Variants in PLCE1 observed in about 807,000 individuals in gnomAD.
PLCE1 encodes phospholipase C epsilon 1.
Under a neutral mutation model 242.8 loss-of-function variants are expected in PLCE1, and 119 were observed. The observed-to-expected ratio is 0.49, with a 90% CI of 0.42 to 0.57. The LOEUF (loss-of-function observed/expected upper bound fraction) is 0.57, where lower values mean the gene tolerates loss of function less well. PLCE1 is among the 20% of genes least tolerant of loss of function. PLCE1 has a pLI of 0.00. For missense variants in PLCE1, 2,441 were observed against 2,788.8 expected, an observed-to-expected ratio of 0.88 and a Z score of 2.81; for synonymous variants, 945 against 1,017.4, an observed-to-expected ratio of 0.93 and a Z score of 1.35.
rs1589542917 is a variant in PLCE1 at position 94,321,967 on chromosome 10, T to C, written c.6409T>C (p.Phe2137Leu). The C allele has an allele frequency of 1.9e-6, 3 of 1,613,890 alleles. No individual in the cohort carries two copies. The highest frequency in any genetic ancestry group is 2.5e-6 in the Non-Finnish European group (3 of 1,179,834). ...EVILSSEEES[F>L]FVQVHDVSPE... ...GATCTTGAGCTCAGAGGAGGAGAGT[T>C]TCTTTGTCCAAGTGCATGATGTTTC... The change falls in exon 30 of 33, where the codon TTC becomes CTC. Residue 2137 changes from phenylalanine to leucine, a missense_variant. Physicochemically the swap from Phe to Leu is conservative, Grantham distance 22 (BLOSUM62 0). Transcript: ENST00000371380.
In PLCE1 at chr10:94,270,537, A is replaced by G. The variant is rs529475564; in HGVS notation, c.4441A>G (p.Ile1481Val). ...RSAFINSDLPIIISIENHCSL... is the reference protein window; with the variant it reads ...RSAFINSDLPVIISIENHCSL... ...TGCCTTCATCAACTCTGACCTGCCAATCATCATATCGATTGAGAACCACTG... is the reference window on the plus strand; with the variant it reads ...TGCCTTCATCAACTCTGACCTGCCAGTCATCATATCGATTGAGAACCACTG... The change falls in exon 18 of 33, where the codon ATC (isoleucine) becomes GTC (valine). Residue 1481 changes from isoleucine (I) to valine (V), a missense_variant. Ile to Val is a conservative substitution (Grantham distance 29). Transcript: ENST00000371380. The G allele has an allele frequency of 9.9e-6, 16 of 1,614,110 alleles. No individual in the cohort carries two copies. Among genetic ancestry groups the G allele is most frequent in the Admixed American group, 3.3e-5 (2 of 60,028 alleles).
chr10:94,226,801 A>C (rs2137165451), intron 4 of PLCE1, among the ~76,000 whole-genome samples: 1 of 145,450 alleles, frequency 6.9e-6, no homozygotes, highest in Non-Finnish European at 1.5e-5. Flanking sequence ...AAATAAAGAG[A>C]GAGTTATAAG....
rs77884183 is a variant in PLCE1 at position 94,235,499 on chromosome 10, C to T, written c.2215-416C>T. On this transcript the variant is annotated intron_variant, in intron 6 of 32. Transcript: ENST00000371380. The stretch of plus-strand genomic sequence containing the variant: ...ACACATGAGCAATAAAGCAAAACAT[C>T]ACCTCTTCTCAGTGTTTTGCTTGGG... Among the ~76,000 whole-genome samples, 6 of 151,978 alleles carry T rather than the reference C, an allele frequency of 3.9e-5. No individual in the cohort carries two copies. The East Asian group carries it at 7.7e-4, about 20-fold the overall frequency.
intron 4 of PLCE1, among the ~76,000 whole-genome samples, chr10:94,194,976 T>A (rs2048774680): frequency 6.6e-6 from 1 of 152,184 alleles, no homozygotes; most frequent in Non-Finnish European, 1.5e-5. Flanking sequence ...AACTCCTTGA[T>A]GATTACAAAG....
chr10:94,309,733 TTTAA>T (rs1199504253), intron 27 of PLCE1, among the ~76,000 whole-genome samples: 3 of 152,088 alleles, frequency 2.0e-5, no homozygotes, highest in African/African-American at 7.2e-5. Context: ...TGCAGGATGG[TTTAA>T]TTAGGTAAGA....
In PLCE1 at chr10:94,031,402, A is replaced by C. The variant is rs1355131868; in HGVS notation, c.356A>C (p.Gln119Pro). Residue 119 changes from glutamine (Q) to proline (P), a missense_variant, in exon 2 of 33, where the codon CAG (glutamine) becomes CCG (proline). Transcript: ENST00000371380. ...ILRNHQHGLP[Q>P]RQFYEMYNSV... ...AGAAACCATCAGCATGGCCTTCCTC[A>C]GAGACAATTTTATGAAATGTACAAC... 1.9e-6 allele frequency: 3 copies of C among 1,613,824 alleles called. No homozygotes were observed. The highest frequency in any genetic ancestry group is 2.5e-6 in the Non-Finnish European group (3 of 1,179,904).
chr10:94,118,793 A>G (rs1207905602), intron 2 of PLCE1, among the ~76,000 whole-genome samples: 1 of 152,178 alleles, frequency 6.6e-6, no homozygotes, highest in Non-Finnish European at 1.5e-5. Context: ...TTCTACACAC[A>G]CATAGCTGAG....
intron 3 of PLCE1, chr10:94,137,982 A>C: frequency 2.6e-6 from 1 of 384,852 alleles, no homozygotes. Flanking sequence ...CATCCTGATA[A>C]CATGTCTGAG....
intron 5 of PLCE1, among the ~76,000 whole-genome samples, chr10:94,231,220 G>C (rs991223430): frequency 3.3e-5 from 5 of 152,188 alleles, no homozygotes; most frequent in Admixed American, 3.3e-4. Flanking sequence ...GCTGAAGTTT[G>C]CCCTTTGCCC....
chr10:94,152,082 C>T (rs1248904347), intron 3 of PLCE1, among the ~76,000 whole-genome samples: 1 of 152,142 alleles, frequency 6.6e-6, no homozygotes, highest in African/African-American at 2.4e-5. Flanking sequence ...CTAGGAAAAA[C>T]TCTCTGGATG....
At chr10:94,273,812 T>C in intron 19 of PLCE1, 92 bp downstream of exon 19, 1 of 1,183,504 alleles carries the variant, frequency 8.4e-7, no homozygotes, top group Non-Finnish European at 1.3e-6. Context: ...GACCTGCTGG[T>C]TTACTAGTTT....
chr10:94,029,447 C>G (rs999411386), intron 1 of PLCE1, among the ~76,000 whole-genome samples: 1 of 152,108 alleles, frequency 6.6e-6, no homozygotes, highest in African/African-American at 2.4e-5. Context: ...ACATATATCT[C>G]TATGTATGTT....
chr10:94,082,609 G>T (rs995582758), intron 2 of PLCE1, among the ~76,000 whole-genome samples: 2 of 152,194 alleles, frequency 1.3e-5, no homozygotes, highest in Non-Finnish European at 2.9e-5. Context: ...TCAGAGCCCA[G>T]CACAGTGCCT....
At chr10:94,066,523 T>C (rs2044199979) in intron 2 of PLCE1, among the ~76,000 whole-genome samples, 1 of 152,116 alleles carries the variant, frequency 6.6e-6, no homozygotes, top group South Asian at 2.1e-4. Context: ...CAGGGAGACA[T>C]GTACCAACTC....
chr10:94,080,942 C>T (rs1224096033), intron 2 of PLCE1, among the ~76,000 whole-genome samples: 1 of 152,200 alleles, frequency 6.6e-6, no homozygotes, highest in Non-Finnish European at 1.5e-5. Flanking sequence ...CTCCTACTCT[C>T]TCCTCTCCCC....
intron 17 of PLCE1, 61 bp from the exon 18 acceptor site, chr10:94,270,425 C>G: frequency 9.4e-7 from 1 of 1,060,586 alleles, no homozygotes; most frequent in Non-Finnish European, 1.5e-6. Context: ...CTATAACTAC[C>G]CTGCCTTCTG....
intron 32 of PLCE1, among the ~76,000 whole-genome samples, chr10:94,325,834 T>C (rs756693854): frequency 1.3e-5 from 2 of 152,158 alleles, no homozygotes; most frequent in Non-Finnish European, 2.9e-5. Context: ...TTTCTCGTTT[T>C]ATTACTGTTC....
chr10:94,053,214 T>C (rs1348005996), intron 2 of PLCE1, among the ~76,000 whole-genome samples: 1 of 152,192 alleles, frequency 6.6e-6, no homozygotes, highest in Non-Finnish European at 1.5e-5. Flanking sequence ...AGCCTCAGTT[T>C]TTCTCACCTC....
chr10:94,129,348 G>A (rs971460242), intron 2 of PLCE1, among the ~76,000 whole-genome samples: 5 of 152,212 alleles, frequency 3.3e-5, no homozygotes, highest in Non-Finnish European at 5.9e-5. Flanking sequence ...ATGGGAAATA[G>A]TTAAGCAAAT....
Sources: gnomAD v4.1 joint callset for allele counts (sites outside exome capture counted in the v4.1 genomes callset) on GRCh38, gnomAD v4.1.1 for gene constraint, MANE v1.5 for transcripts, NCBI Gene and HGNC (gene_info 2026-07-23, HGNC 2026-07-21) for gene names.